NKIRAS1: variants seen among roughly 807,000 people sequenced by gnomAD.
The protein encoded by NKIRAS1 is NF-kappa-B inhibitor-interacting Ras-like protein 1.
Under a neutral mutation model 19.8 loss-of-function variants are expected in NKIRAS1, and 16 were observed. That is an observed-to-expected ratio of 0.81 (90% CI 0.55 to 1.23). The LOEUF is 1.23. NKIRAS1 is among the 50% of genes most tolerant of loss of function. The pLI is 0.00. For missense variants in NKIRAS1, 184 were observed against 220.0 expected (o/e 0.84, Z 1.04); for synonymous variants, 88 against 79.0 (o/e 1.11, Z -0.61).
At chr3:23,900,620 A>G (rs1295328433) in intron 4 of NKIRAS1, among the ~76,000 whole-genome samples, 188 bp downstream of exon 4, 1 of 147,172 alleles carries the variant, frequency 6.8e-6, no homozygotes, top group Admixed American at 6.9e-5. Context: ...CTTGCCTGGG[A>G]GACAGAGCGA....
upstream of NKIRAS1, chr3:23,918,048 G>T (rs768810881): frequency 8.1e-6 from 13 of 1,597,218 alleles, no homozygotes; most frequent in Non-Finnish European, 1.1e-5. Flanking sequence ...GATCGACTGC[G>T]TGGATGCTTG....
chr3:23,917,937 C>T (rs772921805), upstream of NKIRAS1: 1 of 1,613,706 alleles, frequency 6.2e-7, no homozygotes, highest in Non-Finnish European at 8.5e-7. Context: ...TGAGGGTCCG[C>T]TGCTGGCAGT....
At chr3:23,919,148 C>G (rs1287806093), upstream of NKIRAS1, 1 of 1,316,274 alleles carries the variant, frequency 7.6e-7, no homozygotes, top group East Asian at 2.3e-5. Context: ...TGACTTGCTG[C>G]TATAGGCAAT....
intron 4 of NKIRAS1, among the ~76,000 whole-genome samples, chr3:23,897,511 C>T (rs1702099765): frequency 6.6e-6 from 1 of 152,180 alleles, no homozygotes; most frequent in Non-Finnish European, 1.5e-5. Flanking sequence ...TTGCCCCAAA[C>T]CAGTGCTTTC....
chr3:23,936,419 G>C (rs1377976959), intron 1 of NKIRAS1, among the ~76,000 whole-genome samples: 2 of 152,184 alleles, frequency 1.3e-5, no homozygotes, highest in African/African-American at 4.8e-5. Context: ...GGCTTTCTAA[G>C]CTGATGCTCT....
chr3:23,909,526 C>A (rs1211025356), intron 3 of NKIRAS1, among the ~76,000 whole-genome samples: 1 of 152,062 alleles, frequency 6.6e-6, no homozygotes, highest in Non-Finnish European at 1.5e-5. Context: ...GACTCCATCT[C>A]AGAAAAACAG....
At chr3:23,934,682 G>T (rs1217023718) in intron 1 of NKIRAS1, among the ~76,000 whole-genome samples, 1 of 152,116 alleles carries the variant, frequency 6.6e-6, no homozygotes, top group Non-Finnish European at 1.5e-5. Context: ...AAAAGAAAGG[G>T]ATCTGGTTGA....
chr3:23,941,369 T>G (rs1019375908), intron 1 of NKIRAS1, among the ~76,000 whole-genome samples: 17 of 152,214 alleles, frequency 1.1e-4, no homozygotes, highest in Non-Finnish European at 1.8e-4. Flanking sequence ...ACCTATCTTG[T>G]GTTGTTTTGC....
chr3:23,929,462 T>A (rs73036722), intron 1 of NKIRAS1, among the ~76,000 whole-genome samples: 63,953 of 152,030 alleles, frequency 0.42, 13,601 homozygotes, highest in Middle Eastern at 0.56. Context: ...GGTCTCGCTC[T>A]GTCACCCAGG....
chr3:23,930,016 C>T (rs1378077189), intron 1 of NKIRAS1, among the ~76,000 whole-genome samples: 1 of 152,040 alleles, frequency 6.6e-6, no homozygotes, highest in African/African-American at 2.4e-5. Context: ...TGGACAAACA[C>T]TCCAGGGACA....
Position 23,893,057 on chromosome 3 carries a change from A to C in NKIRAS1, c.*38T>G, listed in dbSNP as rs200435563. On this transcript the variant is annotated 3_prime_UTR_variant, in exon 5 of 5. Transcript: ENST00000425478. The stretch of plus-strand genomic sequence containing the variant: ...CCATGTTCACAGACACTTAAAGGCA[A>C]TCACTATTCAACATACAATTGTGGA... 3.3e-6 allele frequency: 5 copies of C among 1,511,952 alleles called. No homozygotes were observed. The African/African-American group carries it at 7.0e-5, about 21-fold the overall frequency. 93.7% of individuals were successfully genotyped at this position (1,511,952 alleles called of 1,614,324 possible).
At chr3:23,893,798 C>CAA (rs58905555) in intron 4 of NKIRAS1, among the ~76,000 whole-genome samples, 13 of 81,486 alleles carry the variant, frequency 1.6e-4, no homozygotes, top group East Asian at 3.8e-4. Context: ...GACTCCATCT[C>CAA]AAAAAAAAAA....
intron 4 of NKIRAS1, among the ~76,000 whole-genome samples, chr3:23,900,175 A>C (rs1328727225): frequency 2.0e-5 from 3 of 152,050 alleles, no homozygotes; most frequent in African/African-American, 7.2e-5. Flanking sequence ...AAAAACAAAA[A>C]CAAAAACCCA....
Position 23,927,791 on chromosome 3 carries a change from A to C in NKIRAS1, c.-139-16341T>G, listed in dbSNP as rs1001136189. ...AAAAAGAAAGATTCAAAAAATGATC[A>C]TCCAAGGCTGGGCATGGTGGCTCAT... On this transcript the variant is annotated intron_variant, in intron 1 of 4. Transcript: ENST00000421515. This position sits in a 1 kb window ranked among gnomAD's most constrained non-coding sequence, Gnocchi z 4.0. 5.9e-5 allele frequency among the ~76,000 whole-genome samples: 9 copies of C among 152,118 alleles called. No individual in the cohort carries two copies. The highest frequency in any genetic ancestry group is 6.6e-5 in the Admixed American group (1 of 15,266).
intron 4 of NKIRAS1, among the ~76,000 whole-genome samples, chr3:23,894,871 G>A (rs1383250574): frequency 6.6e-6 from 1 of 152,170 alleles, no homozygotes; most frequent in African/African-American, 2.4e-5. Context: ...TCACAGAGCT[G>A]ACTCATGGTC....
chr3:23,936,106 A>AAT (rs397935703), intron 1 of NKIRAS1, among the ~76,000 whole-genome samples: 1 of 146,442 alleles, frequency 6.8e-6, no homozygotes, highest in Non-Finnish European at 1.5e-5. Context: ...AAAAAAAAAA[A>AAT]GCGGGGTTGG....
intron 1 of NKIRAS1, among the ~76,000 whole-genome samples, chr3:23,912,401 A>C (rs1275174189): frequency 6.6e-6 from 1 of 152,236 alleles, no homozygotes; most frequent in Non-Finnish European, 1.5e-5. Flanking sequence ...GACACTTCTC[A>C]AAAGAAGACA....
chr3:23,903,822 A>C (rs1340309967), intron 3 of NKIRAS1, among the ~76,000 whole-genome samples: 1 of 152,218 alleles, frequency 6.6e-6, no homozygotes, highest in East Asian at 1.9e-4. Context: ...AAACTGAAGA[A>C]CATGCATTTC....
chr3:23,944,304 G>C (rs936256259), intron 1 of NKIRAS1, among the ~76,000 whole-genome samples: 1 of 152,144 alleles, frequency 6.6e-6, no homozygotes, highest in Non-Finnish European at 1.5e-5. Context: ...TCTTCCACGT[G>C]ACATTTTCCC....
Sources: gnomAD v4.1 joint callset for allele counts (sites outside exome capture counted in the v4.1 genomes callset) on GRCh38, gnomAD v4.1.1 for gene constraint, Gnocchi (gnomAD v3.1) non-coding constraint, MANE v1.5 for transcripts, NCBI Gene and HGNC (gene_info 2026-07-23, HGNC 2026-07-21) for gene names.